The following C9orf57 variants were observed in gnomAD, a reference collection of about 807,000 sequenced individuals.
The protein encoded by C9orf57 is uncharacterized protein C9orf57.
Under a neutral mutation model 12.9 loss-of-function variants are expected in C9orf57, and 12 were observed. The observed-to-expected ratio is 0.93, with a 90% CI of 0.60 to 1.51. C9orf57 has a LOEUF of 1.51. Among genes scored for constraint, C9orf57 ranks in the 40% most tolerant of loss-of-function variants. C9orf57 has a pLI of 0.00. For synonymous variants in C9orf57, 49 were observed against 57.1 expected (o/e 0.86, Z 0.64); for missense variants, 141 against 162.8 (o/e 0.87, Z 0.73).
At position 72,052,440 on chromosome 9, in the gene C9orf57, C is replaced by T. The variant is rs149406823; in HGVS notation, c.281-5G>A. The T allele has an allele frequency of 4.0e-5, 62 of 1,550,952 alleles. No individual in the cohort carries two copies. Among genetic ancestry groups the T allele is most frequent in the Non-Finnish European group, 5.0e-5 (57 of 1,146,522 alleles). On this transcript the variant is annotated splice_polypyrimidine_tract_variant and splice_region_variant and intron_variant, in intron 4 of 4. Coordinates refer to ENST00000651200, the MANE Select transcript of C9orf57 (RefSeq NM_001128618.2). Reference sequence around the variant, plus strand: ...CTGAATACCATTGAATGCCACCTGACGGAGAGAAAAGAGGTAAGGAAATTT... The same window carrying T: ...CTGAATACCATTGAATGCCACCTGATGGAGAGAAAAGAGGTAAGGAAATTT...
chr9:72,056,914 T>TC lies in C9orf57; in HGVS notation c.98-72_98-71insG, dbSNP rs1200102941. The TC allele has an allele frequency of 8.0e-6, 8 of 996,942 alleles. No homozygotes were observed. The East Asian group carries it at 3.0e-4, about 38-fold the overall frequency. The allele number at this position is 996,942 out of a possible 1,614,324, so 61.8% of individuals were successfully genotyped here. ...AAATGTATACATATATATGTATACTTTTTTTTTTTTTTGAGACAGGGTTGC... is the reference window on the plus strand; with the variant it reads ...AAATGTATACATATATATGTATACTTCTTTTTTTTTTTTGAGACAGGGTTGC... On this transcript the variant is annotated intron_variant, in intron 2 of 4. Transcript: ENST00000651200.
intron 2 of C9orf57, among the ~76,000 whole-genome samples, chr9:72,057,314 C>A (rs917981886): frequency 1.3e-5 from 2 of 152,084 alleles, no homozygotes; most frequent in African/African-American, 4.8e-5. Context: ...CAACCTCCAC[C>A]TCCCGGGTTC....
At chr9:72,059,002 C>G (rs1004114733) in intron 2 of C9orf57, among the ~76,000 whole-genome samples, 1 of 152,030 alleles carries the variant, frequency 6.6e-6, no homozygotes, top group Admixed American at 6.6e-5. Context: ...CTCAGCCTCC[C>G]GAGTAGCTAG....
At chr9:72,054,914 ATTT>A (rs71353558) in intron 4 of C9orf57, among the ~76,000 whole-genome samples, 4 of 96,514 alleles carry the variant, frequency 4.1e-5, no homozygotes, top group Non-Finnish European at 7.7e-5. Context: ...GGGGTTTGGG[ATTT>A]TTTTTTTTTT....
chr9:72,056,638 G>A (rs555852469), intron 3 of C9orf57, 146 bp downstream of exon 3: 51 of 749,674 alleles, frequency 6.8e-5, no homozygotes, highest in East Asian at 1.4e-4. Flanking sequence ...TAGTGACAGG[G>A]TCCATCCAGC....
chr9:72,059,456 G>A, intron 1 of C9orf57, 72 bp from the exon 2 acceptor site: 10 of 1,454,952 alleles, frequency 6.9e-6, no homozygotes, highest in Non-Finnish European at 9.3e-6. Flanking sequence ...AAGTTTTATT[G>A]ATTTCATTAA....
At position 72,052,329 on chromosome 9, in the gene C9orf57, A is replaced by T. The variant is rs763046535; in HGVS notation, c.387T>A (p.Thr129=). Residue 129 remains threonine (T), a synonymous_variant, in exon 5 of 5, where the codon ACT becomes ACA. Transcript: ENST00000651200. ...TGCACAAAGAATGATTGCAGCAGTG[A>T]GTAGTTACAAGTTCATGCAGTTGCA... is the stretch of plus-strand genomic sequence containing the variant. ...RILQLHELVT[T]HCCNHSLCNF The T allele has an allele frequency of 1.9e-6, 3 of 1,551,800 alleles. No individual in the cohort carries two copies. The highest frequency in any genetic ancestry group is 2.4e-5 in the South Asian group (2 of 84,058).
chr9:72,051,865 G>A lies in C9orf57; in HGVS notation c.*431C>T, dbSNP rs1824087176. On this transcript the variant is annotated 3_prime_UTR_variant, in exon 5 of 5. Transcript: ENST00000651200. Reference sequence around the variant, plus strand: ...CCATAAATCACCCCAAAGGAGCAAGGCAGTTTGCTTTGGAAACCAAATGAA... The same window carrying A: ...CCATAAATCACCCCAAAGGAGCAAGACAGTTTGCTTTGGAAACCAAATGAA... 5.9e-6 allele frequency: 1 copy of A among 170,176 alleles called. No individual in the cohort carries two copies. Among genetic ancestry groups the A allele is most frequent in the Non-Finnish European group, 1.3e-5 (1 of 79,650 alleles). 10.5% of individuals were successfully genotyped at this position (170,176 alleles called of 1,614,324 possible).
chr9:72,059,334 T>C lies in C9orf57; in HGVS notation c.-3A>G, dbSNP rs1824278692. 1.4e-5 allele frequency: 22 copies of C among 1,551,666 alleles called. No homozygotes were observed. The highest frequency in any genetic ancestry group is 1.8e-5 in the Non-Finnish European group (21 of 1,147,020). ...CCAGCAAAAACAATCCTTCTCATTC[T>C]GATTTCCAAGCCGAAAAGGAGATGA... On this transcript the variant is annotated 5_prime_UTR_variant, in exon 2 of 5. Transcript: ENST00000651200.
rs549401511 is a variant in C9orf57, at chr9:72,057,566, C to T, written c.98-723G>A. Among the ~76,000 whole-genome samples, 94 of 152,176 alleles carry T rather than the reference C, an allele frequency of 6.2e-4. 1 individual carries two copies. The highest frequency in any genetic ancestry group is 2.0e-3 in the African/African-American group (82 of 41,528). On this transcript the variant is annotated intron_variant, in intron 2 of 4. Transcript: ENST00000651200. ...TTTGAGAGTTTAATGAGGGAAATTT[C>T]GAAGCGTATGCTGTATTTATGAATT...
intron 4 of C9orf57, 98 bp from the exon 5 acceptor site, chr9:72,052,533 G>T: frequency 8.6e-7 from 1 of 1,160,418 alleles, no homozygotes; most frequent in Non-Finnish European, 1.2e-6. Flanking sequence ...CAAAACTTTA[G>T]TTTTATCAAG....
At chr9:72,059,604 T>C (rs1473390101) in intron 1 of C9orf57, among the ~76,000 whole-genome samples, 1 of 152,204 alleles carries the variant, frequency 6.6e-6, no homozygotes, top group East Asian at 1.9e-4. Context: ...GCAGATCGCC[T>C]GAGGTCAGGA....
rs746049595 is a variant in C9orf57 at position 72,059,159 on chromosome 9, G to T, written c.97+76C>A. 19 of 1,530,116 alleles carry T rather than the reference G, an allele frequency of 1.2e-5. No homozygotes were observed. The Admixed American group carries it at 2.6e-4, about 21-fold the overall frequency. The allele number at this position is 1,530,116 out of a possible 1,614,324, so 94.8% of individuals were successfully genotyped here. A position where few individuals can be genotyped will look rare whatever the true frequency, so the allele number is the denominator to read the frequency against. ...CTCCCAAAGTGCTGGGATTACAGGC[G>T]TGAGCCGCCACGCTCGGCCCTACAA... On this transcript the variant is annotated intron_variant, in intron 2 of 4. Transcript: ENST00000651200.
chr9:72,055,616 A>C (rs1443235148), intron 4 of C9orf57, among the ~76,000 whole-genome samples: 2 of 151,754 alleles, frequency 1.3e-5, no homozygotes, highest in Non-Finnish European at 2.9e-5. Context: ...CAAACTTAAA[A>C]TGTTTCCCAG....
intron 2 of C9orf57, among the ~76,000 whole-genome samples, chr9:72,057,998 T>A (rs1438468233): frequency 6.6e-6 from 1 of 152,290 alleles, no homozygotes; most frequent in African/African-American, 2.4e-5. Flanking sequence ...GCAGATTAAA[T>A]AAACTCACAG....
At chr9:72,054,914 ATTTTT>A (rs71353558) in intron 4 of C9orf57, among the ~76,000 whole-genome samples, 4 of 96,518 alleles carry the variant, frequency 4.1e-5, no homozygotes, top group Admixed American at 1.4e-4. Flanking sequence ...GGGGTTTGGG[ATTTTT>A]TTTTTTTTTT....
intron 4 of C9orf57, among the ~76,000 whole-genome samples, chr9:72,054,582 ATAT>A (rs899781737): frequency 1.2e-4 from 19 of 152,306 alleles, no homozygotes; most frequent in Admixed American, 1.1e-3. Flanking sequence ...TGGGTTAAAA[ATAT>A]TATATTGTTT....
chr9:72,054,159 C>A (rs748887150), intron 4 of C9orf57, among the ~76,000 whole-genome samples: 1 of 152,174 alleles, frequency 6.6e-6, no homozygotes, highest in Non-Finnish European at 1.5e-5. Flanking sequence ...CCACCACACC[C>A]GGCTAATTTT....
intron 1 of C9orf57, among the ~76,000 whole-genome samples, chr9:72,060,139 C>G (rs946103578): frequency 6.6e-6 from 1 of 152,064 alleles, no homozygotes; most frequent in African/African-American, 2.4e-5. Context: ...TTCGGCCTCC[C>G]CGGTTCAAGC....
Sources: allele counts gnomAD v4.1 joint callset (sites outside exome capture counted in the v4.1 genomes callset), GRCh38; gene constraint gnomAD v4.1.1; transcripts MANE v1.5; gene names NCBI Gene and HGNC (gene_info 2026-07-23, HGNC 2026-07-21).